STAU1: variants seen among roughly 807,000 people sequenced by gnomAD.
STAU1 encodes the protein double-stranded RNA-binding protein Staufen homolog 1.
A neutral mutation model predicts 62.9 loss-of-function variants in STAU1; 13 were observed. The observed-to-expected ratio is 0.21, with a 90% CI of 0.13 to 0.33. The LOEUF is 0.33. Among genes scored for constraint, STAU1 ranks in the 10% least tolerant of loss-of-function variants. The pLI, the probability that STAU1 is intolerant of heterozygous loss-of-function variation, is 1.00. For synonymous variants in STAU1, 269 were observed against 265.1 expected (o/e 1.01, Z -0.14); for missense variants, 571 against 712.1 (o/e 0.80, Z 2.25).
chr20:49,124,259 G>T, intron 7 of STAU1, 116 bp downstream of exon 7: 5 of 1,035,590 alleles, frequency 4.8e-6, no homozygotes, highest in Non-Finnish European at 7.2e-6. Flanking sequence ...TGGCAGGCCT[G>T]GGGTGTGGCA....
the STAU1 span, among the ~76,000 whole-genome samples, chr20:49,209,995 G>A: frequency 7.2e-5 from 11 of 152,220 alleles, no homozygotes; most frequent in Admixed American, 3.9e-4. Flanking sequence ...GTTGCAGTGA[G>A]CCGAGATAGT....
chr20:49,215,341 C>A, the STAU1 span, among the ~76,000 whole-genome samples: 1 of 152,292 alleles, frequency 6.6e-6, no homozygotes, highest in East Asian at 1.9e-4. Flanking sequence ...TCACTTATAT[C>A]ACCTGTATGT....
At chr20:49,203,556 C>T in the STAU1 span, among the ~76,000 whole-genome samples, 1,431 of 152,178 alleles carry the variant, frequency 9.4e-3, 27 homozygotes, top group African/African-American at 0.033. Context: ...GGTGACGATT[C>T]GAGAGGAAAG....
chr20:49,145,595 T>C (rs2093112102), intron 5 of STAU1, among the ~76,000 whole-genome samples: 1 of 151,624 alleles, frequency 6.6e-6, no homozygotes, highest in Non-Finnish European at 1.5e-5. Context: ...CTGGGTGTGG[T>C]GGCACATGCC....
intron 2 of STAU1, among the ~76,000 whole-genome samples, chr20:49,172,136 G>A (rs2093604882): frequency 6.6e-6 from 1 of 152,192 alleles, no homozygotes; most frequent in Non-Finnish European, 1.5e-5. Flanking sequence ...ATGGGCAATG[G>A]AGGACTTTCT....
At chr20:49,139,082 TA>T (rs1418219291) in intron 5 of STAU1, among the ~76,000 whole-genome samples, 1 of 152,034 alleles carries the variant, frequency 6.6e-6, no homozygotes, top group Admixed American at 6.6e-5. Context: ...CCCACACCAC[TA>T]AAAACTCAAA....
At chr20:49,116,166 T>C (rs2092319029) in intron 12 of STAU1, among the ~76,000 whole-genome samples, 1 of 152,178 alleles carries the variant, frequency 6.6e-6, no homozygotes, top group African/African-American at 2.4e-5. Flanking sequence ...AAATCTATCA[T>C]GTATTTTTCT....
chr20:49,114,967 G>C, intron 13 of STAU1, 74 bp from the exon 14 acceptor site: 1 of 1,504,970 alleles, frequency 6.6e-7, no homozygotes, highest in Non-Finnish European at 9.2e-7. Flanking sequence ...AAAATGAAAA[G>C]AAATTGGCAA....
At chr20:49,149,847 G>A (rs186165369) in intron 5 of STAU1, among the ~76,000 whole-genome samples, 78 of 152,310 alleles carry the variant, frequency 5.1e-4, no homozygotes, top group Non-Finnish European at 6.9e-4. Flanking sequence ...GTCACCCTGG[G>A]TGGCAGCTGG....
the STAU1 span, among the ~76,000 whole-genome samples, chr20:49,198,833 T>A: frequency 6.6e-6 from 1 of 152,094 alleles, no homozygotes; most frequent in Non-Finnish European, 1.5e-5. Flanking sequence ...CATGGTGGCA[T>A]GTGCCTATAG....
intron 3 of STAU1, among the ~76,000 whole-genome samples, chr20:49,163,975 T>TA (rs1408019981): frequency 3.3e-5 from 5 of 152,102 alleles, no homozygotes; most frequent in African/African-American, 1.2e-4. Context: ...CTCACACCTG[T>TA]AATTCCAGCA....
At chr20:49,206,719 T>TTATATATATACA in the STAU1 span, among the ~76,000 whole-genome samples, 1 of 106,058 alleles carries the variant, frequency 9.4e-6, no homozygotes, top group African/African-American at 3.7e-5. Context: ...AAATGAAATT[T>TTATATATATACA]TATATATATA....
chr20:49,170,396 G>C (rs1301959961), intron 2 of STAU1, among the ~76,000 whole-genome samples: 3 of 152,168 alleles, frequency 2.0e-5, no homozygotes, highest in Non-Finnish European at 2.9e-5. Flanking sequence ...TGTCGTCCAG[G>C]TTGGAGTGCA....
chr20:49,124,498 G>A lies in STAU1; in HGVS notation c.699C>T (p.Ser233=), dbSNP rs1000837908. 2.5e-6 allele frequency: 4 copies of A among 1,613,904 alleles called. No homozygotes were observed. The highest frequency in any genetic ancestry group is 3.4e-6 in the Non-Finnish European group (4 of 1,180,012). ...GEFVGEGEGK[S]KKISKKNAAI... The stretch of plus-strand genomic sequence containing the variant: ...CGGCATTTTTCTTTGAAATCTTCTT[G>A]CTTTTCCCTTCACCTTCCCCCACAA... Residue 233 remains serine (S), a synonymous_variant, in exon 7 of 14, where the codon AGC becomes AGT. Transcript: ENST00000371856.
At position 49,166,178 on chromosome 20, in the gene STAU1, AACTTGC is replaced by A. The variant is rs1433797508; in HGVS notation, c.18_23del (p.Val8_Gln9del). On this transcript the variant is annotated inframe_deletion, in exon 3 of 14. Coordinates refer to ENST00000371856, the MANE Select transcript of STAU1 (RefSeq NM_017453.4). Reference sequence around the variant, plus strand: ...CTGAGAGAGCAGCAGATGGGTTCTGAACTTGCACTTGAACTTGAGACATGGTCACTT... The same window carrying A: ...CTGAGAGAGCAGCAGATGGGTTCTGAACTTGAACTTGAGACATGGTCACTT... 1.2e-6 allele frequency: 2 copies of A among 1,614,154 alleles called. No individual in the cohort carries two copies.
At position 49,133,031 on chromosome 20, in the gene STAU1, T is replaced by C. The variant is rs527996301; in HGVS notation, c.609+2802A>G. Among the ~76,000 whole-genome samples the C allele has an allele frequency of 1.1e-4, 17 of 152,260 alleles. No individual in the cohort carries two copies. The South Asian group carries it at 3.3e-3, about 30-fold the overall frequency. On this transcript the variant is annotated intron_variant, in intron 6 of 13. Coordinates refer to ENST00000371856, the MANE Select transcript of STAU1 (RefSeq NM_017453.4). Reference sequence around the variant, plus strand: ...AAAAAATTCCTGATATTTGAGTTAATGAATATAAGCACTCACGCCACCAAC... The same window carrying C: ...AAAAAATTCCTGATATTTGAGTTAACGAATATAAGCACTCACGCCACCAAC...
chr20:49,195,902 A>AAAAAAAAAAAAAAAAAAG, the STAU1 span, among the ~76,000 whole-genome samples: 3 of 95,316 alleles, frequency 3.1e-5, no homozygotes, highest in East Asian at 6.0e-4. Context: ...TCCTCTCAAA[A>AAAAAAAAAAAAAAAAAAG]AAAAAAAAAA....
chr20:49,198,359 G>T, the STAU1 span, among the ~76,000 whole-genome samples: 545 of 151,312 alleles, frequency 3.6e-3, 3 homozygotes, highest in African/African-American at 0.013. Context: ...ACTAAAAATA[G>T]AAAAATTAGC....
the STAU1 span, among the ~76,000 whole-genome samples, chr20:49,218,820 T>C: frequency 3.3e-5 from 5 of 151,648 alleles, no homozygotes; most frequent in Non-Finnish European, 7.4e-5. Context: ...GGCAGGAGGA[T>C]TGCTTGAGCC....
Sources: gnomAD v4.1 joint callset for allele counts (sites outside exome capture counted in the v4.1 genomes callset) on GRCh38, gnomAD v4.1.1 for gene constraint, MANE v1.5 for transcripts, NCBI Gene and HGNC (gene_info 2026-07-23, HGNC 2026-07-21) for gene names.